The following PGLS variants were observed in gnomAD, a reference collection of about 807,000 sequenced individuals.
PGLS encodes 6-phosphogluconolactonase.
A neutral mutation model predicts 23.2 loss-of-function variants in PGLS; 21 were observed. The observed-to-expected ratio is 0.91, with a 90% CI of 0.64 to 1.31. The LOEUF is 1.31. Ranked by LOEUF, PGLS falls within the 50% of genes most tolerant of loss-of-function variation. PGLS has a pLI of 0.00. For synonymous variants in PGLS, 179 were observed against 165.4 expected, an observed-to-expected ratio of 1.08 and a Z score of -0.63; for missense variants, 410 against 354.0, an observed-to-expected ratio of 1.16 and a Z score of -1.27.
At chr19:17,519,174 C>T (rs1482656277) in intron 4 of PGLS, among the ~76,000 whole-genome samples, 2 of 151,330 alleles carry the variant, frequency 1.3e-5, no homozygotes, top group East Asian at 2.0e-4. Flanking sequence ...ATTAGCCAGG[C>T]GTGGTGGCGT....
Position 17,511,949 on chromosome 19 carries a change from G to A in PGLS, c.277G>A (p.Gly93Ser). ...VPFDHAESTY[G>S]LYRTHLLSRL... ...CTTCGATCACGCCGAGAGCACGTAC[G>A]GCCTCTACCGGGTGAGAGCTACGGG... Residue 93 changes from glycine (G) to serine (S), a missense_variant, in exon 1 of 5, where the codon GGC becomes AGC. Physicochemically the swap from Gly to Ser is moderately conservative, Grantham distance 56. Transcript: ENST00000252603. 1 of 1,549,526 alleles carries A rather than the reference G, an allele frequency of 6.5e-7. No individual in the cohort carries two copies. Among genetic ancestry groups the A allele is most frequent in the Non-Finnish European group, 8.7e-7 (1 of 1,149,324 alleles).
chr19:17,517,489 G>T (rs1433514295), intron 3 of PGLS, 100 bp downstream of exon 3: 1 of 1,051,706 alleles, frequency 9.5e-7, no homozygotes, highest in Non-Finnish European at 1.4e-6. Flanking sequence ...GGTGTCTAGA[G>T]CCAGGGTTCA....
intron 4 of PGLS, chr19:17,520,362 A>C (rs2075551456): frequency 6.6e-6 from 1 of 151,996 alleles, no homozygotes; most frequent in African/African-American, 2.4e-5. Flanking sequence ...AGCCTGACCA[A>C]CATGATGAAA....
chr19:17,511,993 C>A, intron 1 of PGLS, 33 bp downstream of exon 1: 1 of 1,522,108 alleles, frequency 6.6e-7, no homozygotes, highest in Non-Finnish European at 8.8e-7. Context: ...GGGATCACGC[C>A]GAGAGGGCCA....
Position 17,517,425 on chromosome 19 carries a change from G to C in PGLS, c.498+36G>C, listed in dbSNP as rs769282261. ...CAATGCGGGGTTCCACCCTAGTCCT[G>C]AGCCCAGTCCCTAACATCTGGGACT... On this transcript the variant is annotated intron_variant, in intron 3 of 4. Transcript: ENST00000252603. 3 of 1,501,764 alleles carry C rather than the reference G, an allele frequency of 2.0e-6. No homozygotes were observed. In the South Asian group the frequency reaches 3.4e-5, roughly 17 times the overall value. The allele number at this position is 1,501,764 out of a possible 1,614,324, so 93.0% of individuals were successfully genotyped here.
chr19:17,521,125 TG>T lies in PGLS; in HGVS notation c.*48del, dbSNP rs757172599. Reference sequence around the variant, plus strand: ...CAGCTGGGACCAGGCACGCGGCCCATGGGGCTGGGCCCCTGCTGGCCGCCAC... The same window carrying T: ...CAGCTGGGACCAGGCACGCGGCCCATGGGCTGGGCCCCTGCTGGCCGCCAC... On this transcript the variant is annotated 3_prime_UTR_variant, in exon 5 of 5. Coordinates refer to ENST00000252603, the MANE Select transcript of PGLS (RefSeq NM_012088.3). 6.6e-7 allele frequency: 1 copy of T among 1,526,184 alleles called. No individual in the cohort carries two copies. The highest frequency in any genetic ancestry group is 1.2e-5 in the South Asian group (1 of 81,862). 94.5% of individuals were successfully genotyped at this position (1,526,184 alleles called of 1,614,324 possible). A position where few individuals can be genotyped will look rare whatever the true frequency, so the allele number is the denominator to read the frequency against.
chr19:17,518,517 A>G (rs571321870), intron 4 of PGLS: 1 of 149,446 alleles, frequency 6.7e-6, no homozygotes, highest in Non-Finnish European at 1.5e-5. Flanking sequence ...ATATATTTTT[A>G]TTTTTTTTTT....
chr19:17,512,012 G>A (rs755798050), intron 1 of PGLS, 52 bp downstream of exon 1: 32 of 1,483,404 alleles, frequency 2.2e-5, no homozygotes, highest in Non-Finnish European at 2.8e-5. Flanking sequence ...CACAGCCACC[G>A]CCTACACCCC....
chr19:17,516,924 A>T (rs529612045), intron 2 of PGLS, among the ~76,000 whole-genome samples: 1 of 130,960 alleles, frequency 7.6e-6, no homozygotes, highest in South Asian at 2.4e-4. Flanking sequence ...TCACTCTGTC[A>T]CCTAGGCTGG....
chr19:17,516,777 CG>C (rs1025010203), intron 2 of PGLS, among the ~76,000 whole-genome samples: 4 of 150,068 alleles, frequency 2.7e-5, no homozygotes, highest in Non-Finnish European at 4.4e-5. Flanking sequence ...TTAGTAGAGA[CG>C]GGGTTTCACC....
In PGLS at chr19:17,511,671, C is replaced by A; in HGVS notation, c.-2C>A. On this transcript the variant is annotated 5_prime_UTR_variant, in exon 1 of 5. Coordinates refer to ENST00000252603, the MANE Select transcript of PGLS (RefSeq NM_012088.3). Reference sequence around the variant, plus strand: ...TTCCTCCTCCCCGCCGCCGCCCTCGCCATGGCCGCGCCGGCCCCGGGCCTC... The same window carrying A: ...TTCCTCCTCCCCGCCGCCGCCCTCGACATGGCCGCGCCGGCCCCGGGCCTC... The A allele has an allele frequency of 6.7e-7, 1 of 1,484,680 alleles. No homozygotes were observed. The highest frequency in any genetic ancestry group is 8.9e-7 in the Non-Finnish European group (1 of 1,126,108). The allele number at this position is 1,484,680 out of a possible 1,614,324, so 92.0% of individuals were successfully genotyped here.
rs1360691236 is a variant in PGLS, at chr19:17,511,887, G to T, written c.215G>T (p.Arg72Leu). Residue 72 changes from arginine (R) to leucine (L), a missense_variant, in exon 1 of 5, where the codon CGC becomes CTC. Coordinates refer to ENST00000252603, the MANE Select transcript of PGLS (RefSeq NM_012088.3). ...VAPAGPASLA[R>L]WTLGFCDERL... ...CCTGCCGGGCCAGCTAGCTTAGCGCGCTGGACGCTGGGCTTCTGCGACGAG... is the reference window on the plus strand; with the variant it reads ...CCTGCCGGGCCAGCTAGCTTAGCGCTCTGGACGCTGGGCTTCTGCGACGAG... The T allele has an allele frequency of 6.5e-7, 1 of 1,541,406 alleles. No individual in the cohort carries two copies. Among genetic ancestry groups the T allele is most frequent in the East Asian group, 2.5e-5 (1 of 39,904 alleles).
intron 1 of PGLS, chr19:17,512,232 G>T (rs1219543965): frequency 6.2e-6 from 3 of 482,510 alleles, no homozygotes; most frequent in Non-Finnish European, 1.1e-5. Context: ...AGATGGTCAC[G>T]CCCACTGCCT....
chr19:17,515,806 G>A (rs1216406671), intron 1 of PGLS: 10 of 211,276 alleles, frequency 4.7e-5, no homozygotes, highest in South Asian at 1.5e-4. Flanking sequence ...CAAATACAAC[G>A]GAATTGAAAG....
intron 1 of PGLS, among the ~76,000 whole-genome samples, chr19:17,515,063 A>T (rs1342186509): frequency 6.6e-6 from 1 of 152,202 alleles, no homozygotes; most frequent in Non-Finnish European, 1.5e-5. Context: ...TGCTGGGATT[A>T]CAGCCGTGAG....
At chr19:17,516,957 T>C (rs2075536277) in intron 2 of PGLS, among the ~76,000 whole-genome samples, 1 of 150,954 alleles carries the variant, frequency 6.6e-6, no homozygotes, top group Non-Finnish European at 1.5e-5. Context: ...CAATCTCAGC[T>C]CACTGCAACC....
rs565503137 is a variant in PGLS, at chr19:17,514,682, C to T, written c.289-1491C>T. 3.8e-3 allele frequency among the ~76,000 whole-genome samples: 573 copies of T among 151,160 alleles called. 3 individuals are homozygous for T. Among genetic ancestry groups the T allele is most frequent in the African/African-American group, 0.013 (541 of 41,202 alleles). On this transcript the variant is annotated intron_variant, in intron 1 of 4. Transcript: ENST00000252603. ...AATTTTTTTTTTTGAGTTGGAGTTT[C>T]ACCCTTGTTGCCCAGGCTGGAGTGC...
chr19:17,518,676 G>A (rs1462501616), intron 4 of PGLS: 3 of 152,162 alleles, frequency 2.0e-5, no homozygotes, highest in East Asian at 1.9e-4. Context: ...GATTATAGGC[G>A]CCTGCCACCA....
At chr19:17,519,578 T>G (rs1464124608) in intron 4 of PGLS, among the ~76,000 whole-genome samples, 1 of 151,876 alleles carries the variant, frequency 6.6e-6, no homozygotes, top group African/African-American at 2.4e-5. Flanking sequence ...TTTTGTATTT[T>G]TAGTAGAGAC....
Sources: gnomAD v4.1 joint callset for allele counts (sites outside exome capture counted in the v4.1 genomes callset) on GRCh38, gnomAD v4.1.1 for gene constraint, MANE v1.5 for transcripts, NCBI Gene and HGNC (gene_info 2026-07-23, HGNC 2026-07-21) for gene names.